Variants in LPP observed in about 807,000 individuals in gnomAD.
LPP encodes the protein LIM domain containing preferred translocation partner in lipoma.
LPP carries 38 observed loss-of-function variants against 60.4 expected under a neutral mutation model. That is an observed-to-expected ratio of 0.63 (90% CI 0.49 to 0.83). LPP has a LOEUF of 0.83. LPP is among the 40% of genes least tolerant of loss of function. The pLI is 0.00. For missense variants in LPP, 902 were observed against 783.6 expected, an observed-to-expected ratio of 1.15 and a Z score of -1.80; for synonymous variants, 328 against 290.8, an observed-to-expected ratio of 1.13 and a Z score of -1.30.
At chr3:188,807,969 A>G (rs765245541) in intron 9 of LPP, among the ~76,000 whole-genome samples, 1 of 152,158 alleles carries the variant, frequency 6.6e-6, no homozygotes, top group Non-Finnish European at 1.5e-5. Context: ...AGATAGGCTA[A>G]TATATTTCAC....
intron 3 of LPP, among the ~76,000 whole-genome samples, chr3:188,401,427 C>G (rs911263011): frequency 1.3e-4 from 20 of 152,162 alleles, no homozygotes; most frequent in African/African-American, 3.9e-4. Context: ...CTCCAGTTTT[C>G]TTTTATTTAC....
At chr3:188,361,550 T>TCCTCC (rs1560296470) in intron 3 of LPP, among the ~76,000 whole-genome samples, 7 of 75,986 alleles carry the variant, frequency 9.2e-5, no homozygotes, top group Non-Finnish European at 1.1e-4. Flanking sequence ...TCCTCCCCTC[T>TCCTCC]CCTCTCCTCT....
intron 3 of LPP, among the ~76,000 whole-genome samples, chr3:188,389,820 G>GAAAGA (rs1779278786): frequency 8.7e-6 from 1 of 114,608 alleles, no homozygotes; most frequent in African/African-American, 3.4e-5. Context: ...AAAAAAAAAA[G>GAAAGA]AAAAGAAAAA....
At chr3:188,489,930 GT>G (rs1236267230) in intron 5 of LPP, among the ~76,000 whole-genome samples, 2 of 152,050 alleles carry the variant, frequency 1.3e-5, no homozygotes, top group African/African-American at 4.8e-5. Flanking sequence ...CATACCTCTG[GT>G]TTTCATCTTT....
chr3:188,337,799 C>T (rs957466549), intron 2 of LPP, among the ~76,000 whole-genome samples: 1 of 152,138 alleles, frequency 6.6e-6, no homozygotes, highest in Non-Finnish European at 1.5e-5. Context: ...CGTGCCTGGC[C>T]CAGTTATTTT....
chr3:188,499,017 A>C (rs1433069545), intron 5 of LPP, among the ~76,000 whole-genome samples: 1 of 151,032 alleles, frequency 6.6e-6, no homozygotes, highest in Non-Finnish European at 1.5e-5. Flanking sequence ...TTTCTTTTTG[A>C]GTTTTGTAAG....
chr3:188,432,062 G>T (rs555758881), intron 4 of LPP, among the ~76,000 whole-genome samples: 1 of 151,970 alleles, frequency 6.6e-6, no homozygotes, highest in African/African-American at 2.4e-5. Context: ...ATTTGTTCCT[G>T]CTGTATGCCG....
chr3:188,835,483 G>GT (rs1413310802), intron 9 of LPP, among the ~76,000 whole-genome samples: 5 of 151,852 alleles, frequency 3.3e-5, no homozygotes, highest in Admixed American at 6.6e-5. Context: ...GCTGGTGGTG[G>GT]TGGCAGATGC....
In LPP at chr3:188,504,341, C is replaced by T. The variant is rs117594789; in HGVS notation, c.306+19637C>T. ...ATTCATGCATTGTTTTCTTAACTTTCTCCTTGCTTCCTTTAGTTCTTTCAG... is the reference window on the plus strand; with the variant it reads ...ATTCATGCATTGTTTTCTTAACTTTTTCCTTGCTTCCTTTAGTTCTTTCAG... On this transcript the variant is annotated intron_variant, in intron 5 of 11. Transcript: ENST00000617246. 7.2e-4 allele frequency among the ~76,000 whole-genome samples: 110 copies of T among 151,810 alleles called. 2 individuals carry two copies. In the East Asian group the frequency reaches 0.019, roughly 26 times the overall value.
chr3:188,693,452 T>C (rs986548165), intron 7 of LPP, among the ~76,000 whole-genome samples: 1 of 152,176 alleles, frequency 6.6e-6, no homozygotes, highest in Non-Finnish European at 1.5e-5. Flanking sequence ...TTAACAGAGA[T>C]GTTTCTCTCT....
At chr3:188,501,926 C>A (rs899921689) in intron 5 of LPP, among the ~76,000 whole-genome samples, 23 of 149,812 alleles carry the variant, frequency 1.5e-4, no homozygotes, top group Non-Finnish European at 2.4e-4. Context: ...AAAAAAAAAA[C>A]AAACAAGTAT....
intron 3 of LPP, among the ~76,000 whole-genome samples, chr3:188,375,491 T>C (rs1578431941): frequency 1.3e-5 from 2 of 152,304 alleles, no homozygotes; most frequent in East Asian, 1.9e-4. Context: ...TAGTTTATTT[T>C]AGAAGAGGTG....
chr3:188,237,338 CA>C (rs1722278303), intron 2 of LPP, among the ~76,000 whole-genome samples: 1 of 152,174 alleles, frequency 6.6e-6, no homozygotes, highest in Non-Finnish European at 1.5e-5. Flanking sequence ...AAATTTCTTC[CA>C]ATCTCCTGTT....
intron 3 of LPP, among the ~76,000 whole-genome samples, chr3:188,361,568 T>A (rs1029996550): frequency 4.9e-5 from 6 of 122,078 alleles, no homozygotes; most frequent in Non-Finnish European, 6.5e-5. Flanking sequence ...TCTCCTCTCC[T>A]CTCCTTTCAT....
chr3:188,457,571 C>T (rs1222361093), intron 4 of LPP, among the ~76,000 whole-genome samples: 1 of 151,298 alleles, frequency 6.6e-6, no homozygotes, highest in Non-Finnish European at 1.5e-5. Context: ...ATCAGTTCTC[C>T]CAACACTTCC....
chr3:188,764,611 A>G (rs1416392548), intron 9 of LPP, among the ~76,000 whole-genome samples: 2 of 152,226 alleles, frequency 1.3e-5, no homozygotes, highest in African/African-American at 2.4e-5. Flanking sequence ...GGGCAGCAAC[A>G]GTGCCTCCTG....
At chr3:188,689,901 CA>C (rs1451483864) in intron 7 of LPP, among the ~76,000 whole-genome samples, 3 of 147,238 alleles carry the variant, frequency 2.0e-5, no homozygotes, top group Non-Finnish European at 4.5e-5. Flanking sequence ...GATGGTATAT[CA>C]GGAATTCTGA....
At chr3:188,845,248 C>A (rs1371160656) in intron 9 of LPP, among the ~76,000 whole-genome samples, 2 of 152,200 alleles carry the variant, frequency 1.3e-5, no homozygotes, top group South Asian at 2.1e-4. Context: ...ACACTTTGAA[C>A]TGCATTGCAG....
intron 7 of LPP, among the ~76,000 whole-genome samples, chr3:188,612,502 G>A (rs1464195310): frequency 6.6e-6 from 1 of 152,110 alleles, no homozygotes; most frequent in Non-Finnish European, 1.5e-5. Flanking sequence ...CTTCCAGTTT[G>A]AGGAAAACCT....
Sources: gnomAD v4.1 joint callset for allele counts (sites outside exome capture counted in the v4.1 genomes callset) on GRCh38, gnomAD v4.1.1 for gene constraint, MANE v1.5 for transcripts, NCBI Gene and HGNC (gene_info 2026-07-23, HGNC 2026-07-21) for gene names.